The following FBXL17 variants were observed in gnomAD, a reference collection of about 807,000 sequenced individuals.
FBXL17 encodes the protein F-box and leucine rich repeat protein 17.
A neutral mutation model predicts 66.2 loss-of-function variants in FBXL17; 22 were observed. That is an observed-to-expected ratio of 0.33 (90% CI 0.24 to 0.47). The LOEUF is 0.47. Ranked by LOEUF, FBXL17 falls within the 20% of genes least tolerant of loss-of-function variation. The pLI is 1.00. For synonymous variants in FBXL17, 474 were observed against 400.5 expected (o/e 1.18, Z -2.19); for missense variants, 878 against 948.2 (o/e 0.93, Z 0.97).
chr5:108,338,153 G>T (rs1350220169), intron 4 of FBXL17, among the ~76,000 whole-genome samples: 2 of 151,264 alleles, frequency 1.3e-5, no homozygotes, highest in Non-Finnish European at 2.9e-5. Context: ...CTACTAAAAA[G>T]ATATAGAAGT....
chr5:108,262,077 TATTTA>T (rs1197491846), intron 4 of FBXL17, among the ~76,000 whole-genome samples: 15 of 136,772 alleles, frequency 1.1e-4, no homozygotes, highest in African/African-American at 3.7e-4. Context: ...TTTATTTATT[TATTTA>T]TTTATTTTTT....
chr5:107,996,772 C>T (rs1054758111), intron 7 of FBXL17, among the ~76,000 whole-genome samples: 1 of 152,200 alleles, frequency 6.6e-6, no homozygotes, highest in African/African-American at 2.4e-5. Context: ...TGCCTGTCTT[C>T]ACACAGATAT....
At chr5:107,960,244 A>G (rs1247633280) in intron 7 of FBXL17, among the ~76,000 whole-genome samples, 1 of 152,024 alleles carries the variant, frequency 6.6e-6, no homozygotes, top group Non-Finnish European at 1.5e-5. Flanking sequence ...TCTTTTTTTT[A>G]AGGTGTACAA....
At chr5:108,289,650 G>A (rs902013705) in intron 4 of FBXL17, among the ~76,000 whole-genome samples, 1 of 152,134 alleles carries the variant, frequency 6.6e-6, no homozygotes, top group East Asian at 1.9e-4. Flanking sequence ...ACAGGCAAAT[G>A]CTGCCATGAC....
At chr5:107,867,560 C>T (rs1391079840) in intron 8 of FBXL17, among the ~76,000 whole-genome samples, 3 of 152,222 alleles carry the variant, frequency 2.0e-5, no homozygotes, top group Non-Finnish European at 4.4e-5. Flanking sequence ...ATGGCAGGCC[C>T]AGGAGGGCAG....
At chr5:108,219,898 A>C (rs1204854587) in intron 5 of FBXL17, among the ~76,000 whole-genome samples, 1 of 55,660 alleles carries the variant, frequency 1.8e-5, no homozygotes, top group African/African-American at 7.0e-5. Flanking sequence ...TTTCCATTTC[A>C]TTGATTTCCT....
At chr5:108,311,806 A>G (rs1759132729) in intron 4 of FBXL17, among the ~76,000 whole-genome samples, 1 of 152,232 alleles carries the variant, frequency 6.6e-6, no homozygotes. Context: ...GAGAATGCAT[A>G]ATAACAAACG....
intron 6 of FBXL17, among the ~76,000 whole-genome samples, chr5:108,153,093 C>T (rs115736721): frequency 0.022 from 3,393 of 152,236 alleles, 138 homozygotes; most frequent in African/African-American, 0.078. Context: ...TGTGACTTTG[C>T]TCCTCCTTTG....
intron 7 of FBXL17, among the ~76,000 whole-genome samples, chr5:107,971,688 C>T (rs1752378263): frequency 6.6e-6 from 1 of 152,150 alleles, no homozygotes; most frequent in Admixed American, 6.6e-5. Context: ...GAATCACTAA[C>T]ATTTTAGTTG....
intron 6 of FBXL17, among the ~76,000 whole-genome samples, chr5:108,088,957 G>A (rs1014496760): frequency 1.3e-5 from 2 of 152,090 alleles, no homozygotes; most frequent in African/African-American, 2.4e-5. Flanking sequence ...GTGAACTTTT[G>A]ACAGGCCTCC....
At chr5:108,142,072 C>T (rs1751371008) in intron 6 of FBXL17, among the ~76,000 whole-genome samples, 1 of 152,192 alleles carries the variant, frequency 6.6e-6, no homozygotes, top group African/African-American at 2.4e-5. Context: ...AAATCCCTGG[C>T]ACTTAAAAGC....
chr5:108,186,500 G>A (rs964649886), intron 5 of FBXL17, among the ~76,000 whole-genome samples: 6 of 151,162 alleles, frequency 4.0e-5, no homozygotes, highest in Admixed American at 2.6e-4. Flanking sequence ...GGCCAGGCGC[G>A]GTGGCTCACA....
At chr5:108,167,463 G>T (rs762244081) in intron 6 of FBXL17, among the ~76,000 whole-genome samples, 4 of 152,138 alleles carry the variant, frequency 2.6e-5, no homozygotes, top group Non-Finnish European at 5.9e-5. Flanking sequence ...GTTTAGCAAG[G>T]TTAGTGAATG....
intron 4 of FBXL17, among the ~76,000 whole-genome samples, chr5:108,321,712 TA>T (rs77977808): frequency 6.0e-5 from 9 of 149,142 alleles, no homozygotes; most frequent in East Asian, 1.9e-4. Flanking sequence ...TAAATAAATT[TA>T]AAAAAAAAAA....
chr5:108,358,162 G>T (rs1281613199), intron 3 of FBXL17, among the ~76,000 whole-genome samples: 1 of 152,044 alleles, frequency 6.6e-6, no homozygotes, highest in Non-Finnish European at 1.5e-5. Flanking sequence ...CAATTTGGAA[G>T]CATTTTATTT....
At chr5:108,135,395 G>A (rs1751094348) in intron 6 of FBXL17, among the ~76,000 whole-genome samples, 1 of 152,138 alleles carries the variant, frequency 6.6e-6, no homozygotes, top group Admixed American at 6.6e-5. Flanking sequence ...ACCCTTACAT[G>A]TAAAAGGGTA....
At chr5:108,224,362 T>C (rs1007743363) in intron 4 of FBXL17, 134 bp from the exon 5 acceptor site, 2 of 459,486 alleles carry the variant, frequency 4.4e-6, no homozygotes, top group Non-Finnish European at 7.9e-6. Context: ...TGAATCAGCA[T>C]ACAAACATGC....
intron 4 of FBXL17, among the ~76,000 whole-genome samples, chr5:108,309,719 T>C (rs1312141375): frequency 6.6e-6 from 1 of 152,014 alleles, no homozygotes; most frequent in East Asian, 1.9e-4. Context: ...ACTGAAAATA[T>C]TCACTCAGGT....
intron 8 of FBXL17, chr5:107,879,551 A>G: frequency 3.0e-6 from 3 of 985,438 alleles, no homozygotes; most frequent in Non-Finnish European, 3.6e-6. Context: ...CTAGCTGGCA[A>G]AGGTCTCGTA....
Sources: allele counts gnomAD v4.1 joint callset (sites outside exome capture counted in the v4.1 genomes callset), GRCh38; gene constraint gnomAD v4.1.1; transcripts MANE v1.5; gene names NCBI Gene and HGNC (gene_info 2026-07-23, HGNC 2026-07-21).